Variants in PLCXD3 observed in about 807,000 individuals in gnomAD.
PLCXD3 encodes the protein PI-PLC X domain-containing protein 3.
PLCXD3 carries 19 observed loss-of-function variants against 25.5 expected under a neutral mutation model. The observed-to-expected ratio is 0.75, with a 90% CI of 0.52 to 1.09. PLCXD3 has a LOEUF of 1.09. PLCXD3 is among the 50% of genes least tolerant of loss of function. The probability of loss-of-function intolerance (pLI) is 0.00; values close to 1 mark genes in which losing one functional copy is unlikely to be tolerated. For synonymous variants in PLCXD3, 174 were observed against 137.6 expected (o/e 1.26, Z -1.85); for missense variants, 411 against 388.1 (o/e 1.06, Z -0.50).
chr5:41,307,942 A>G lies in PLCXD3; in HGVS notation c.*5675T>C, dbSNP rs2150464469. On this transcript the variant is annotated 3_prime_UTR_variant, in exon 3 of 3. Coordinates refer to ENST00000377801, the MANE Select transcript of PLCXD3 (RefSeq NM_001005473.3). ...CTGGGAAATGCTATATAAGGGATTA[A>G]TGGGGAAACTTGGACCTCACAACAG... 1 of 152,250 alleles carries G rather than the reference A, an allele frequency of 6.6e-6. No homozygotes were observed. Among genetic ancestry groups the G allele is most frequent in the African/African-American group, 2.4e-5 (1 of 41,568 alleles). The allele number at this position is 152,250 out of a possible 1,614,324, so 9.4% of individuals were successfully genotyped here.
intron 1 of PLCXD3, among the ~76,000 whole-genome samples, chr5:41,455,992 CT>C (rs1479160489): frequency 6.6e-6 from 1 of 151,836 alleles, no homozygotes; most frequent in Non-Finnish European, 1.5e-5. Flanking sequence ...GGTGTTACTA[CT>C]GCTGGTAGTA....
rs533502968 is a variant in PLCXD3, at chr5:41,313,525, A to G, written c.*92T>C. The G allele has an allele frequency of 2.7e-6, 4 of 1,488,936 alleles. No individual in the cohort carries two copies. Among genetic ancestry groups the G allele is most frequent in the Middle Eastern group, 1.9e-4 (1 of 5,370 alleles). The allele number at this position is 1,488,936 out of a possible 1,614,324, so 92.2% of individuals were successfully genotyped here. On this transcript the variant is annotated 3_prime_UTR_variant, in exon 3 of 3. Transcript: ENST00000377801. ...CCAGCCCTATTCCCTTCAGAGACTC[A>G]GTGGAATAGGAAGATCAGAGTGTTT...
intron 1 of PLCXD3, among the ~76,000 whole-genome samples, chr5:41,498,391 T>C (rs1748885622): frequency 6.6e-6 from 1 of 150,826 alleles, no homozygotes; most frequent in Non-Finnish European, 1.5e-5. Flanking sequence ...TATAAACAAT[T>C]ATATACCAAA....
At chr5:41,473,434 C>T (rs546423797) in intron 1 of PLCXD3, among the ~76,000 whole-genome samples, 2 of 149,362 alleles carry the variant, frequency 1.3e-5, no homozygotes, top group Non-Finnish European at 3.0e-5. Flanking sequence ...TGCAGTTTTG[C>T]CATTACTTTT....
chr5:41,371,864 A>T (rs1043180724), intron 2 of PLCXD3, among the ~76,000 whole-genome samples: 1 of 152,136 alleles, frequency 6.6e-6, no homozygotes, highest in Non-Finnish European at 1.5e-5. Flanking sequence ...TTGGAATGTG[A>T]ACTGAGATTT....
At chr5:41,473,241 T>C (rs1748204850) in intron 1 of PLCXD3, among the ~76,000 whole-genome samples, 1 of 152,128 alleles carries the variant, frequency 6.6e-6, no homozygotes, top group Admixed American at 6.5e-5. Context: ...GGAGAAATTC[T>C]AACATCTTGG....
intron 1 of PLCXD3, among the ~76,000 whole-genome samples, chr5:41,508,343 G>A (rs1738930831): frequency 6.6e-6 from 1 of 152,172 alleles, no homozygotes; most frequent in African/African-American, 2.4e-5. Context: ...GTTAGTCACA[G>A]TTGCTGCTGA....
At chr5:41,401,614 G>A (rs1374165973) in intron 1 of PLCXD3, among the ~76,000 whole-genome samples, 1 of 151,974 alleles carries the variant, frequency 6.6e-6, no homozygotes, top group East Asian at 1.9e-4. Flanking sequence ...ATGGCTCCCA[G>A]TGATCTTGCT....
At chr5:41,404,946 C>A (rs1746307602) in intron 1 of PLCXD3, among the ~76,000 whole-genome samples, 1 of 152,148 alleles carries the variant, frequency 6.6e-6, no homozygotes, top group Non-Finnish European at 1.5e-5. Flanking sequence ...AAGATAAGAA[C>A]TGCTTCTCTC....
chr5:41,324,353 G>A (rs953232213), intron 2 of PLCXD3, among the ~76,000 whole-genome samples: 4 of 152,114 alleles, frequency 2.6e-5, no homozygotes, highest in Non-Finnish European at 4.4e-5. Flanking sequence ...ACAACACTGG[G>A]TCAATGACCT....
At chr5:41,446,176 C>CAAAAAAAAAAAAA (rs70988847) in intron 1 of PLCXD3, among the ~76,000 whole-genome samples, 524 of 38,084 alleles carry the variant, frequency 0.014, 99 homozygotes, top group East Asian at 0.032. Context: ...GACTCCTTCT[C>CAAAAAAAAAAAAA]AAAAAAAAAA....
chr5:41,365,056 C>T (rs542367833), intron 2 of PLCXD3, among the ~76,000 whole-genome samples: 6 of 152,192 alleles, frequency 3.9e-5, no homozygotes, highest in Non-Finnish European at 7.3e-5. Flanking sequence ...CTGCTCCTAA[C>T]ACCAATAGGC....
intron 2 of PLCXD3, among the ~76,000 whole-genome samples, chr5:41,330,283 A>G (rs1407259559): frequency 1.3e-5 from 2 of 152,200 alleles, no homozygotes; most frequent in African/African-American, 4.8e-5. Context: ...GATCCCACAG[A>G]AATACAAACT....
chr5:41,355,687 T>G (rs1744598941), intron 2 of PLCXD3, among the ~76,000 whole-genome samples: 1 of 152,216 alleles, frequency 6.6e-6, no homozygotes, highest in South Asian at 2.1e-4. Context: ...TTGCATTGCC[T>G]TCATTCACCA....
chr5:41,358,176 A>G (rs1744672712), intron 2 of PLCXD3, among the ~76,000 whole-genome samples: 2 of 152,144 alleles, frequency 1.3e-5, no homozygotes, highest in African/African-American at 2.4e-5. Flanking sequence ...TTTTATTTTA[A>G]TTTTACAGAG....
At chr5:41,490,543 T>C (rs764683132) in intron 1 of PLCXD3, among the ~76,000 whole-genome samples, 9 of 152,154 alleles carry the variant, frequency 5.9e-5, no homozygotes, top group Non-Finnish European at 5.9e-5. Flanking sequence ...TGGTAGAATT[T>C]GGCTGTGAAT....
chr5:41,364,669 A>G (rs1358887946), intron 2 of PLCXD3, among the ~76,000 whole-genome samples: 1 of 152,196 alleles, frequency 6.6e-6, no homozygotes, highest in Admixed American at 6.5e-5. Flanking sequence ...AAGTTGCTAT[A>G]AAATTGTCCT....
At chr5:41,353,250 G>T (rs973047340) in intron 2 of PLCXD3, among the ~76,000 whole-genome samples, 1 of 150,890 alleles carries the variant, frequency 6.6e-6, no homozygotes, top group Admixed American at 6.6e-5. Flanking sequence ...CCGCCACCAT[G>T]CTCGGCTAAT....
intron 1 of PLCXD3, among the ~76,000 whole-genome samples, chr5:41,394,511 A>G (rs1209317836): frequency 1.3e-5 from 2 of 152,184 alleles, no homozygotes; most frequent in African/African-American, 4.8e-5. Context: ...TGCAGTCAAC[A>G]GACAGATTGG....
Sources: gnomAD v4.1 joint callset for allele counts (sites outside exome capture counted in the v4.1 genomes callset) on GRCh38, gnomAD v4.1.1 for gene constraint, MANE v1.5 for transcripts, NCBI Gene and HGNC (gene_info 2026-07-23, HGNC 2026-07-21) for gene names.